Variants in DLGAP2 observed in about 807,000 individuals in gnomAD.
DLGAP2 encodes the protein disks large-associated protein 2.
DLGAP2 carries 26 observed loss-of-function variants against 100.3 expected under a neutral mutation model. The ratio of observed to expected loss-of-function variants is 0.26; its 90% CI spans 0.19 to 0.36. The LOEUF (loss-of-function observed/expected upper bound fraction) is 0.36, where lower values mean the gene tolerates loss of function less well. DLGAP2 is among the 10% of genes least tolerant of loss of function. The pLI is 1.00. For synonymous variants in DLGAP2, 886 were observed against 630.1 expected (o/e 1.41, Z -6.08); for missense variants, 1,858 against 1,453.2 (o/e 1.28, Z -4.53).
chr8:1,153,833 G>C (rs775959549), intron 2 of DLGAP2, among the ~76,000 whole-genome samples: 3 of 152,082 alleles, frequency 2.0e-5, no homozygotes, highest in Non-Finnish European at 4.4e-5. Context: ...ACCACCTAAG[G>C]TCTTGATAAA....
chr8:1,290,201 G>A (rs968969318), intron 3 of DLGAP2, among the ~76,000 whole-genome samples: 8 of 152,142 alleles, frequency 5.3e-5, no homozygotes, highest in South Asian at 4.1e-4. Context: ...AGCTAGACTC[G>A]AACAAAATGA....
At chr8:1,535,539 A>G (rs1356572274) in intron 4 of DLGAP2, among the ~76,000 whole-genome samples, 1 of 152,234 alleles carries the variant, frequency 6.6e-6, no homozygotes, top group Non-Finnish European at 1.5e-5. Context: ...TCAGATGGGC[A>G]TGCCTGGCAC....
At chr8:1,614,824 A>T (rs917947499) in intron 6 of DLGAP2, among the ~76,000 whole-genome samples, 2 of 152,218 alleles carry the variant, frequency 1.3e-5, no homozygotes, top group Admixed American at 6.5e-5. Context: ...TGTGGAGCCC[A>T]CACACACATG....
At chr8:1,095,710 T>C (rs1186802198) in intron 2 of DLGAP2, among the ~76,000 whole-genome samples, 1 of 152,242 alleles carries the variant, frequency 6.6e-6, no homozygotes, top group Non-Finnish European at 1.5e-5. Flanking sequence ...AGTCCCGTGC[T>C]GGAGAAGAAA....
intron 2 of DLGAP2, among the ~76,000 whole-genome samples, chr8:1,236,131 T>C (rs1240282068): frequency 2.3e-5 from 2 of 87,200 alleles, no homozygotes; most frequent in African/African-American, 4.6e-5. Flanking sequence ...TCTCACATGT[T>C]GCCGTGTCTA....
intron 3 of DLGAP2, among the ~76,000 whole-genome samples, chr8:1,333,083 T>A (rs1186711158): frequency 3.3e-5 from 5 of 152,150 alleles, no homozygotes; most frequent in Non-Finnish European, 7.4e-5. Context: ...GAGGTCAGGC[T>A]CTTCATGCCT....
chr8:857,793 C>A (rs1006951847), intron 1 of DLGAP2, among the ~76,000 whole-genome samples: 52 of 152,194 alleles, frequency 3.4e-4, no homozygotes, highest in African/African-American at 1.2e-3. Flanking sequence ...TGCACATTTG[C>A]CATGCCGTCT....
At chr8:1,410,366 C>T (rs893094358) in intron 3 of DLGAP2, among the ~76,000 whole-genome samples, 39 of 152,300 alleles carry the variant, frequency 2.6e-4, no homozygotes, top group African/African-American at 9.1e-4. Flanking sequence ...GAGGAGCTCC[C>T]AGCAGAGCAG....
intron 3 of DLGAP2, among the ~76,000 whole-genome samples, chr8:1,444,028 T>C (rs1376037683): frequency 6.6e-6 from 1 of 152,188 alleles, no homozygotes; most frequent in Admixed American, 6.5e-5. Context: ...TTCATGATCA[T>C]TGTACTCATG....
Position 1,703,660 on chromosome 8 carries a change from C to T in DLGAP2, c.*2254C>T, listed in dbSNP as rs1437584491. 1 of 152,176 alleles carries T rather than the reference C, an allele frequency of 6.6e-6. No individual in the cohort carries two copies. Among genetic ancestry groups the T allele is most frequent in the Non-Finnish European group, 1.5e-5 (1 of 68,032 alleles). 9.4% of individuals were successfully genotyped at this position (152,176 alleles called of 1,614,324 possible). ...TTTAACTCATTTCCTTGAGCTTATACAAAACATAGAAAAGCAAACTGTTAA... is the reference window on the plus strand; with the variant it reads ...TTTAACTCATTTCCTTGAGCTTATATAAAACATAGAAAAGCAAACTGTTAA... On this transcript the variant is annotated 3_prime_UTR_variant, in exon 15 of 15. Transcript: ENST00000637795.
At chr8:973,444 C>T (rs1207276005) in intron 2 of DLGAP2, among the ~76,000 whole-genome samples, 2 of 151,938 alleles carry the variant, frequency 1.3e-5, no homozygotes, top group African/African-American at 2.4e-5. Flanking sequence ...GGGGTCACGG[C>T]CGGGCAGAGG....
chr8:1,334,209 G>A lies in DLGAP2; in HGVS notation c.106+75326G>A, dbSNP rs539023644. On this transcript the variant is annotated intron_variant, in intron 3 of 14. Transcript: ENST00000637795. ...AAGCAAAGGAAATGTTTCCTGTGAT[G>A]AAAATCAACAGCTTTTGGCTGCACA... is the stretch of plus-strand genomic sequence containing the variant. Among the ~76,000 whole-genome samples, 152 of 152,316 alleles carry A rather than the reference G, an allele frequency of 1.0e-3. 2 individuals carry two copies. The highest frequency in any genetic ancestry group is 6.5e-4 in the African/African-American group (27 of 41,570).
At chr8:1,266,817 C>T (rs1162508162) in intron 3 of DLGAP2, among the ~76,000 whole-genome samples, 1 of 152,024 alleles carries the variant, frequency 6.6e-6, no homozygotes, top group Non-Finnish European at 1.5e-5. Flanking sequence ...CTTTGGAATA[C>T]ATGCCCTCTC....
At chr8:1,684,558 C>T (rs923799753) in intron 12 of DLGAP2, among the ~76,000 whole-genome samples, 1 of 152,168 alleles carries the variant, frequency 6.6e-6, no homozygotes, top group East Asian at 1.9e-4. Context: ...TTTCATAACA[C>T]AGTTCCCCGA....
At chr8:964,777 T>C (rs1238254751) in intron 2 of DLGAP2, among the ~76,000 whole-genome samples, 1 of 152,186 alleles carries the variant, frequency 6.6e-6, no homozygotes. Context: ...AGGGCCACAC[T>C]TCTTGCTGCT....
chr8:784,749 G>A (rs1189861783), intron 1 of DLGAP2, among the ~76,000 whole-genome samples: 1 of 152,232 alleles, frequency 6.6e-6, no homozygotes, highest in South Asian at 2.1e-4. Context: ...GCCCATGCCT[G>A]TGAAGACCAG....
intron 2 of DLGAP2, among the ~76,000 whole-genome samples, chr8:1,202,556 G>A (rs978642225): frequency 3.3e-5 from 5 of 152,174 alleles, no homozygotes; most frequent in African/African-American, 1.2e-4. Context: ...TTCTAATGCA[G>A]AGGAATTCCC....
At chr8:1,311,313 A>G (rs979163081) in intron 3 of DLGAP2, among the ~76,000 whole-genome samples, 1 of 152,262 alleles carries the variant, frequency 6.6e-6, no homozygotes, top group African/African-American at 2.4e-5. Flanking sequence ...AGAAATATCC[A>G]GAATCAGATA....
intron 2 of DLGAP2, among the ~76,000 whole-genome samples, chr8:1,048,640 C>G (rs1802585914): frequency 6.6e-6 from 1 of 151,806 alleles, no homozygotes. Context: ...AAGCTGGGCT[C>G]AAACCACATG....
Sources: gnomAD v4.1 joint callset for allele counts (sites outside exome capture counted in the v4.1 genomes callset) on GRCh38, gnomAD v4.1.1 for gene constraint, MANE v1.5 for transcripts, NCBI Gene and HGNC (gene_info 2026-07-23, HGNC 2026-07-21) for gene names.